The following WWOX variants were observed in gnomAD, a reference collection of about 807,000 sequenced individuals.
WWOX encodes the protein WW domain containing oxidoreductase.
WWOX carries 69 observed loss-of-function variants against 46.2 expected under a neutral mutation model. That is an observed-to-expected ratio of 1.49 (90% CI 1.23 to 1.82). The LOEUF (loss-of-function observed/expected upper bound fraction) is 1.82. WWOX is among the 40% of genes most tolerant of loss of function. The probability of loss-of-function intolerance (pLI) is 0.00; values close to 1 mark genes in which losing one functional copy is unlikely to be tolerated. For synonymous variants in WWOX, 359 were observed against 202.6 expected, an observed-to-expected ratio of 1.77 and a Z score of -6.56; for missense variants, 919 against 542.6, an observed-to-expected ratio of 1.69 and a Z score of -6.89.
At chr16:78,978,327 T>C (rs377655308) in intron 8 of WWOX, among the ~76,000 whole-genome samples, 1 of 152,230 alleles carries the variant, frequency 6.6e-6, no homozygotes, top group African/African-American at 2.4e-5. Context: ...TTTGGGTTCC[T>C]GTTTTTAATT....
At chr16:78,925,927 T>G (rs573005409) in intron 8 of WWOX, among the ~76,000 whole-genome samples, 2 of 152,276 alleles carry the variant, frequency 1.3e-5, no homozygotes, top group African/African-American at 4.8e-5. Flanking sequence ...TGGGACTGTT[T>G]CAGACCATGA....
chr16:78,674,605 T>C (rs549319003), intron 8 of WWOX, among the ~76,000 whole-genome samples: 1 of 152,218 alleles, frequency 6.6e-6, no homozygotes, highest in East Asian at 1.9e-4. Flanking sequence ...AGTTTACTCT[T>C]ATTATTTTCT....
rs570102772 is a variant in WWOX at position 78,699,216 on chromosome 16, G to A, written c.1056+266464G>A. Among the ~76,000 whole-genome samples, 451 of 152,300 alleles carry A rather than the reference G, an allele frequency of 3.0e-3. 1 individual carries two copies. The highest frequency in any genetic ancestry group is 5.1e-3 in the Non-Finnish European group (346 of 68,014). On this transcript the variant is annotated intron_variant, in intron 8 of 8. Transcript: ENST00000566780. ...CCATAGTTTCCCAACCTCTGCTTTG[G>A]AAGGCCTAACTCAGTTAAACATTAC...
At chr16:78,726,111 C>G (rs1269936206) in intron 8 of WWOX, among the ~76,000 whole-genome samples, 3 of 122,240 alleles carry the variant, frequency 2.5e-5, no homozygotes, top group Non-Finnish European at 5.3e-5. Flanking sequence ...CTCCCTCCCT[C>G]TCTGCCTCCC....
At chr16:78,905,139 C>G (rs2044928666) in intron 8 of WWOX, among the ~76,000 whole-genome samples, 1 of 152,172 alleles carries the variant, frequency 6.6e-6, no homozygotes, top group Non-Finnish European at 1.5e-5. Flanking sequence ...TGATTTGGAA[C>G]TGACCCTCTA....
At position 78,352,761 on chromosome 16, in the gene WWOX, A is replaced by G. The variant is rs1050567598; in HGVS notation, c.517-34099A>G. Among the ~76,000 whole-genome samples, 6 of 151,492 alleles carry G rather than the reference A, an allele frequency of 4.0e-5. No individual in the cohort carries two copies. In the East Asian group the frequency reaches 7.8e-4, roughly 20 times the overall value. ...GGGCATTCCACATACAGCAGTACCT[A>G]TAATGTATATGCTTCTTAAAGAATG... is the stretch of plus-strand genomic sequence containing the variant. On this transcript the variant is annotated intron_variant, in intron 5 of 8. Coordinates refer to ENST00000566780, the MANE Select transcript of WWOX (RefSeq NM_016373.4).
intron 8 of WWOX, among the ~76,000 whole-genome samples, chr16:78,945,457 C>T (rs552861242): frequency 6.6e-6 from 1 of 152,318 alleles, no homozygotes; most frequent in South Asian, 2.1e-4. Context: ...AAAGTCTGTA[C>T]TGTAACTAAA....
intron 5 of WWOX, among the ~76,000 whole-genome samples, chr16:78,327,736 AC>A (rs1306348087): frequency 1.3e-5 from 2 of 151,928 alleles, no homozygotes; most frequent in South Asian, 2.1e-4. Flanking sequence ...TCTCCTTCAG[AC>A]CCCCGACCAT....
intron 8 of WWOX, among the ~76,000 whole-genome samples, chr16:78,752,659 A>G (rs910589930): frequency 7.8e-4 from 119 of 152,296 alleles, no homozygotes; most frequent in African/African-American, 2.7e-3. Context: ...TTTAAGATAA[A>G]CATTTGTCTT....
intron 8 of WWOX, among the ~76,000 whole-genome samples, chr16:78,802,942 A>C (rs1012017889): frequency 1.1e-4 from 3 of 28,566 alleles, no homozygotes; most frequent in African/African-American, 1.1e-4. Flanking sequence ...AAAAAAAAAA[A>C]CAACAAACAG....
chr16:78,960,769 T>TTC (rs2046256705), intron 8 of WWOX, among the ~76,000 whole-genome samples: 1 of 151,928 alleles, frequency 6.6e-6, no homozygotes, highest in South Asian at 2.1e-4. Flanking sequence ...GCTTTGGGAG[T>TTC]TCTCTATTTA....
At chr16:78,998,011 G>A (rs746414158) in intron 8 of WWOX, among the ~76,000 whole-genome samples, 2 of 152,032 alleles carry the variant, frequency 1.3e-5, no homozygotes, top group Non-Finnish European at 2.9e-5. Context: ...CGAGTAGCTG[G>A]GATTACAGGC....
chr16:78,451,275 C>T (rs1461229621), intron 8 of WWOX, among the ~76,000 whole-genome samples: 1 of 151,506 alleles, frequency 6.6e-6, no homozygotes, highest in African/African-American at 2.4e-5. Context: ...GTATTTGATA[C>T]AATAGGAGAT....
chr16:78,586,160 T>A (rs958299840), intron 8 of WWOX, among the ~76,000 whole-genome samples: 1 of 152,046 alleles, frequency 6.6e-6, no homozygotes, highest in Non-Finnish European at 1.5e-5. Context: ...AGTTCAAGAC[T>A]AGCCTGGGCA....
At chr16:78,858,690 A>AT (rs1032210046) in intron 8 of WWOX, among the ~76,000 whole-genome samples, 1 of 151,558 alleles carries the variant, frequency 6.6e-6, no homozygotes, top group Admixed American at 6.6e-5. Context: ...TGTCCTTTTT[A>AT]TTTTTTTGAG....
chr16:78,168,515 C>G (rs143170768), intron 5 of WWOX: 44 of 151,982 alleles, frequency 2.9e-4, no homozygotes, highest in African/African-American at 1.1e-3. Context: ...AATTGCACAG[C>G]TGGTGAGCTC....
chr16:78,638,441 C>A (rs78661967), intron 8 of WWOX, among the ~76,000 whole-genome samples: 1 of 151,598 alleles, frequency 6.6e-6, no homozygotes, highest in Admixed American at 6.6e-5. Flanking sequence ...TTTTTTGTTT[C>A]CTCTGCAAGC....
At chr16:78,129,251 G>A (rs895820925) in intron 4 of WWOX, among the ~76,000 whole-genome samples, 2 of 151,838 alleles carry the variant, frequency 1.3e-5, no homozygotes, top group South Asian at 2.1e-4. Context: ...TCATCGCGAC[G>A]CTGTTAGTGA....
intron 8 of WWOX, among the ~76,000 whole-genome samples, chr16:78,643,841 A>AG (rs397803999): frequency 6.6e-6 from 1 of 151,356 alleles, no homozygotes; most frequent in Non-Finnish European, 1.5e-5. Context: ...AAAAAAAAAA[A>AG]CTTTCTTCCC....
Sources: gnomAD v4.1 joint callset for allele counts (sites outside exome capture counted in the v4.1 genomes callset) on GRCh38, gnomAD v4.1.1 for gene constraint, MANE v1.5 for transcripts, NCBI Gene and HGNC (gene_info 2026-07-23, HGNC 2026-07-21) for gene names.